GLB1: variants seen among roughly 807,000 people sequenced by gnomAD.
GLB1 encodes the protein beta-galactosidase.
Under a neutral mutation model 74.0 loss-of-function variants are expected in GLB1, and 56 were observed. The ratio of observed to expected loss-of-function variants is 0.76; its 90% CI spans 0.61 to 0.94. GLB1 has a LOEUF of 0.94. Among genes scored for constraint, GLB1 ranks in the 40% least tolerant of loss-of-function variants. The probability of loss-of-function intolerance (pLI) is 0.00; values close to 1 mark genes in which losing one functional copy is unlikely to be tolerated. For missense variants in GLB1, 787 were observed against 845.5 expected, an observed-to-expected ratio of 0.93 and a Z score of 0.86; for synonymous variants, 323 against 323.6, an observed-to-expected ratio of 1.00 and a Z score of 0.02.
At chr3:33,055,832 TG>T (rs968619060) in intron 6 of GLB1, among the ~76,000 whole-genome samples, 2 of 151,916 alleles carry the variant, frequency 1.3e-5, no homozygotes, top group African/African-American at 4.8e-5. Flanking sequence ...ACCTAACGGA[TG>T]AGTCCTTTTA....
chr3:33,052,143 C>A, intron 7 of GLB1, 139 bp from the exon 8 acceptor site: 8 of 1,432,022 alleles, frequency 5.6e-6, no homozygotes, highest in African/African-American at 1.4e-5. Flanking sequence ...GAGACGCCCC[C>A]CAGTGAGCAC....
At chr3:33,090,743 C>A in intron 1 of GLB1, 4 of 985,366 alleles carry the variant, frequency 4.1e-6, no homozygotes, top group Non-Finnish European at 4.8e-6. Flanking sequence ...TCCGCCGCGT[C>A]AGGGAATACA....
chr3:33,057,942 A>T, intron 6 of GLB1, 147 bp downstream of exon 6: 1 of 1,079,146 alleles, frequency 9.3e-7, no homozygotes, highest in Non-Finnish European at 1.4e-6. Flanking sequence ...TGAGGGGTGC[A>T]AGTATTCTAT....
At chr3:32,973,884 T>C in the GLB1 span, among the ~76,000 whole-genome samples, 1 of 152,152 alleles carries the variant, frequency 6.6e-6, no homozygotes, top group Non-Finnish European at 1.5e-5. Flanking sequence ...AAAGCTGAGA[T>C]TGTAAGTCCT....
At chr3:33,068,156 G>A in intron 4 of GLB1, 74 bp downstream of exon 4, 1 of 1,605,454 alleles carries the variant, frequency 6.2e-7, no homozygotes, top group East Asian at 2.2e-5. Flanking sequence ...CAAAGTGTCA[G>A]GATTACAGGC....
At chr3:33,039,344 T>G (rs1698412511) in intron 10 of GLB1, among the ~76,000 whole-genome samples, 1 of 146,128 alleles carries the variant, frequency 6.8e-6, no homozygotes, top group Non-Finnish European at 1.5e-5. Flanking sequence ...CCATAAGACA[T>G]CATGGTATTG....
downstream of GLB1, among the ~76,000 whole-genome samples, chr3:32,994,840 G>T (rs925230968): frequency 8.7e-5 from 13 of 149,118 alleles, no homozygotes; most frequent in African/African-American, 3.2e-4. Context: ...AGAATCGCTT[G>T]AACCCAGGAG....
intron 10 of GLB1, among the ~76,000 whole-genome samples, chr3:33,026,403 G>T (rs1490014684): frequency 2.6e-5 from 4 of 152,192 alleles, no homozygotes; most frequent in Non-Finnish European, 5.9e-5. Flanking sequence ...GGCCGAGGGG[G>T]TGCTGAGGGC....
chr3:33,052,680 G>C, intron 7 of GLB1: 1 of 153,184 alleles, frequency 6.5e-6, no homozygotes. Flanking sequence ...TATGAATCCA[G>C]ATTTTCAGAT....
chr3:32,987,603 T>C, the GLB1 span, among the ~76,000 whole-genome samples: 1 of 152,218 alleles, frequency 6.6e-6, no homozygotes. Context: ...TGAGACTGCA[T>C]TGAACTGTCT....
chr3:33,009,278 C>T (rs1696921430), intron 15 of GLB1, among the ~76,000 whole-genome samples: 1 of 152,000 alleles, frequency 6.6e-6, no homozygotes, highest in Admixed American at 6.6e-5. Context: ...AATCCCAGCA[C>T]TTCGGGAGGC....
chr3:32,994,024 T>G (rs1024982157), downstream of GLB1, among the ~76,000 whole-genome samples: 1 of 152,200 alleles, frequency 6.6e-6, no homozygotes, highest in African/African-American at 2.4e-5. Flanking sequence ...AACAGTTCCT[T>G]AAACAGTTCA....
chr3:33,016,941 A>T (rs769290024), intron 13 of GLB1, 101 bp from the exon 14 acceptor site: 1 of 1,541,738 alleles, frequency 6.5e-7, no homozygotes, highest in African/African-American at 1.4e-5. Flanking sequence ...TCTTGCCTTG[A>T]AGTGTCACCA....
chr3:32,993,233 A>C (rs1443872488), downstream of GLB1, among the ~76,000 whole-genome samples: 1 of 152,256 alleles, frequency 6.6e-6, no homozygotes, highest in Non-Finnish European at 1.5e-5. Context: ...CATTCTGAAT[A>C]AACTGGATTT....
Position 33,051,136 on chromosome 3 carries a change from G to A in GLB1, c.955+622C>T, listed in dbSNP as rs149944146. On this transcript the variant is annotated intron_variant, in intron 9 of 15. Coordinates refer to ENST00000307363, the MANE Select transcript of GLB1 (RefSeq NM_000404.4). ...TAGTCCCAGCTACTCTGGAGGCTGC[G>A]GTGGGAGAATGATGTGAACCCGGGA... is the stretch of plus-strand genomic sequence containing the variant. 0.022 allele frequency among the ~76,000 whole-genome samples: 3,356 copies of A among 151,384 alleles called. 497 individuals carry two copies. The East Asian group carries it at 0.4, about 18-fold the overall frequency.
chr3:32,962,111 T>A, the GLB1 span, among the ~76,000 whole-genome samples: 1 of 151,878 alleles, frequency 6.6e-6, no homozygotes, highest in Non-Finnish European at 1.5e-5. Flanking sequence ...GGAGAATCGA[T>A]TAAACCCAGG....
At chr3:33,033,859 T>C in intron 10 of GLB1, 1 of 491,074 alleles carries the variant, frequency 2.0e-6, no homozygotes, top group South Asian at 1.6e-5. Flanking sequence ...GTCACGCTGG[T>C]ATCATGGTGT....
chr3:33,026,505 G>A (rs1697764198), intron 10 of GLB1, among the ~76,000 whole-genome samples: 1 of 152,154 alleles, frequency 6.6e-6, no homozygotes, highest in Non-Finnish European at 1.5e-5. Context: ...GGGTGGAAGG[G>A]GGCGAGTCCC....
intron 15 of GLB1, among the ~76,000 whole-genome samples, chr3:33,001,762 G>A (rs1259348328): frequency 6.6e-6 from 1 of 152,168 alleles, no homozygotes; most frequent in Non-Finnish European, 1.5e-5. Flanking sequence ...GCCAAGAAAA[G>A]ATTCGTTGAA....
Sources: allele counts gnomAD v4.1 joint callset (sites outside exome capture counted in the v4.1 genomes callset), GRCh38; gene constraint gnomAD v4.1.1; transcripts MANE v1.5; gene names NCBI Gene and HGNC (gene_info 2026-07-23, HGNC 2026-07-21).